The following AGPAT5 variants were observed in gnomAD, a reference collection of about 807,000 sequenced individuals.
AGPAT5 encodes 1-acylglycerol-3-phosphate O-acyltransferase 5.
AGPAT5 carries 46 observed loss-of-function variants against 45.6 expected under a neutral mutation model. That is an observed-to-expected ratio of 1.01 (90% CI 0.80 to 1.29). The LOEUF (loss-of-function observed/expected upper bound fraction) is 1.29. Ranked by LOEUF, AGPAT5 falls within the 50% of genes most tolerant of loss-of-function variation. AGPAT5 has a pLI of 0.00. For synonymous variants in AGPAT5, 272 were observed against 167.0 expected (o/e 1.63, Z -4.85); for missense variants, 673 against 450.7 (o/e 1.49, Z -4.47).
At chr8:6,713,838 C>T (rs1800235125) in intron 1 of AGPAT5, among the ~76,000 whole-genome samples, 1 of 152,172 alleles carries the variant, frequency 6.6e-6, no homozygotes, top group Non-Finnish European at 1.5e-5. Context: ...TTAGCTGATT[C>T]ATACTCTTAA....
chr8:6,757,455 C>A lies in AGPAT5; in HGVS notation c.*67C>A. ...TATTTTTGGCGGCTGCACATGACAT[C>A]AAATTGTTTCCTGAATTTATTAAGG... On this transcript the variant is annotated 3_prime_UTR_variant, in exon 8 of 8. Coordinates refer to ENST00000285518, the MANE Select transcript of AGPAT5 (RefSeq NM_018361.5). 2 of 1,216,144 alleles carry A rather than the reference C, an allele frequency of 1.6e-6. No individual in the cohort carries two copies. The highest frequency in any genetic ancestry group is 2.4e-6 in the Non-Finnish European group (2 of 833,518). The allele number at this position is 1,216,144 out of a possible 1,614,324, so 75.3% of individuals were successfully genotyped here.
At chr8:6,725,393 A>G (rs995824140) in intron 2 of AGPAT5, among the ~76,000 whole-genome samples, 2 of 152,086 alleles carry the variant, frequency 1.3e-5, no homozygotes, top group Admixed American at 1.3e-4. Flanking sequence ...CCTTCTTCAA[A>G]TGGGTTTGGT....
chr8:6,724,580 T>C (rs557057837), intron 1 of AGPAT5, among the ~76,000 whole-genome samples: 31 of 152,268 alleles, frequency 2.0e-4, no homozygotes, highest in Admixed American at 2.0e-3. Flanking sequence ...ATATATCTTA[T>C]GAACAGTGTT....
chr8:6,710,282 C>T (rs895479165), intron 1 of AGPAT5, among the ~76,000 whole-genome samples: 1 of 152,120 alleles, frequency 6.6e-6, no homozygotes. Flanking sequence ...AAATTGCATA[C>T]CTTACCTGAT....
intron 6 of AGPAT5, among the ~76,000 whole-genome samples, chr8:6,753,230 A>C (rs1334772115): frequency 6.6e-6 from 1 of 152,218 alleles, no homozygotes. Flanking sequence ...AGGCCCTGCC[A>C]CGTCCTGAGC....
At chr8:6,718,175 T>G (rs1187632892) in intron 1 of AGPAT5, among the ~76,000 whole-genome samples, 1 of 152,138 alleles carries the variant, frequency 6.6e-6, no homozygotes, top group Non-Finnish European at 1.5e-5. Flanking sequence ...AGACAGGATG[T>G]AAAATAAGGG....
intron 6 of AGPAT5, among the ~76,000 whole-genome samples, chr8:6,751,901 G>A (rs891348335): frequency 2.0e-5 from 3 of 152,034 alleles, no homozygotes; most frequent in Admixed American, 6.6e-5. Context: ...TATGGAGGCC[G>A]GGCACAGTGG....
chr8:6,708,696 T>C lies in AGPAT5; in HGVS notation c.28T>C (p.Tyr10His). 1 of 1,604,044 alleles carries C rather than the reference T, an allele frequency of 6.2e-7. No individual in the cohort carries two copies. The highest frequency in any genetic ancestry group is 1.7e-5 in the Admixed American group (1 of 59,888). Reference protein sequence around the residue: MLLSLVLHTYSMRYLLPSVV... With the variant: MLLSLVLHTHSMRYLLPSVV... ...GCTGCTGTCCCTGGTGCTCCACACG[T>C]ACTCCATGCGCTACCTGCTGCCCAG... The change falls in exon 1 of 8, where the codon TAC becomes CAC. Residue 10 changes from tyrosine (Y) to histidine (H), a missense_variant. Coordinates refer to ENST00000285518, the MANE Select transcript of AGPAT5 (RefSeq NM_018361.5).
intron 4 of AGPAT5, among the ~76,000 whole-genome samples, chr8:6,733,402 G>A (rs1800938003): frequency 6.6e-6 from 1 of 152,168 alleles, no homozygotes; most frequent in Admixed American, 6.5e-5. Context: ...TCATGGTGAA[G>A]GAAGAATTCT....
chr8:6,709,940 G>A (rs1287498823), intron 1 of AGPAT5, among the ~76,000 whole-genome samples: 1 of 152,176 alleles, frequency 6.6e-6, no homozygotes, highest in Non-Finnish European at 1.5e-5. Context: ...TTTCCTGGTA[G>A]TTGACGTTTA....
At chr8:6,726,083 A>G (rs1800676935) in intron 2 of AGPAT5, among the ~76,000 whole-genome samples, 1 of 152,244 alleles carries the variant, frequency 6.6e-6, no homozygotes, top group Non-Finnish European at 1.5e-5. Flanking sequence ...CAACTTTATT[A>G]CATGACTGGT....
intron 4 of AGPAT5, among the ~76,000 whole-genome samples, chr8:6,739,734 A>C (rs774714042): frequency 6.6e-6 from 1 of 151,942 alleles, no homozygotes; most frequent in Non-Finnish European, 1.5e-5. Context: ...TTTAATCTTG[A>C]TGGCTTTTAT....
At chr8:6,709,973 T>G (rs769145324) in intron 1 of AGPAT5, among the ~76,000 whole-genome samples, 9 of 152,230 alleles carry the variant, frequency 5.9e-5, no homozygotes, top group Non-Finnish European at 1.3e-4. Flanking sequence ...TTTAAAAATT[T>G]CAATAATTCA....
chr8:6,725,553 T>G lies in AGPAT5; in HGVS notation c.289+614T>G, dbSNP rs139649841. Among the ~76,000 whole-genome samples the G allele has an allele frequency of 7.0e-4, 106 of 152,322 alleles. 1 individual carries two copies. In the East Asian group the frequency reaches 0.01, roughly 15 times the overall value. ...CCAAGAATTTGCAAAAAGAGTACAT[T>G]GTCAGCAATATTTTTCCCAATGGTG... is the stretch of plus-strand genomic sequence containing the variant. On this transcript the variant is annotated intron_variant, in intron 2 of 7. Coordinates refer to ENST00000285518, the MANE Select transcript of AGPAT5 (RefSeq NM_018361.5).
At chr8:6,735,611 G>T (rs1407442811) in intron 4 of AGPAT5, among the ~76,000 whole-genome samples, 1 of 152,078 alleles carries the variant, frequency 6.6e-6, no homozygotes, top group African/African-American at 2.4e-5. Context: ...TAGACTTTTG[G>T]GTTAGTTGGT....
intron 6 of AGPAT5, among the ~76,000 whole-genome samples, chr8:6,749,617 C>G (rs900947675): frequency 3.9e-5 from 6 of 152,180 alleles, no homozygotes; most frequent in African/African-American, 1.4e-4. Flanking sequence ...ATTCTACCAT[C>G]CCTCCCTTCT....
intron 4 of AGPAT5, among the ~76,000 whole-genome samples, chr8:6,738,977 T>C (rs1378985037): frequency 2.0e-5 from 3 of 152,122 alleles, no homozygotes; most frequent in Non-Finnish European, 4.4e-5. Flanking sequence ...TAGGATTTAT[T>C]TATAATTAAT....
chr8:6,709,057 C>T (rs1028686597), intron 1 of AGPAT5, 170 bp downstream of exon 1: 4 of 742,662 alleles, frequency 5.4e-6, no homozygotes, highest in Middle Eastern at 2.2e-4. Flanking sequence ...TGCCGTTCTG[C>T]CGAGATCGCT....
chr8:6,731,340 T>G (rs1432141812), intron 3 of AGPAT5, among the ~76,000 whole-genome samples: 1 of 152,130 alleles, frequency 6.6e-6, no homozygotes, highest in Non-Finnish European at 1.5e-5. Context: ...TGGGGATTGG[T>G]TTTAGAACCA....
Sources: gnomAD v4.1 joint callset for allele counts (sites outside exome capture counted in the v4.1 genomes callset) on GRCh38, gnomAD v4.1.1 for gene constraint, MANE v1.5 for transcripts, NCBI Gene and HGNC (gene_info 2026-07-23, HGNC 2026-07-21) for gene names.